ANKRD34C: variants seen among roughly 807,000 people sequenced by gnomAD.
The protein encoded by ANKRD34C is ankyrin repeat domain 34C.
For missense variants in ANKRD34C, 563 were observed against 653.0 expected, an observed-to-expected ratio of 0.86 and a Z score of 1.50; for synonymous variants, 260 against 253.6, an observed-to-expected ratio of 1.03 and a Z score of -0.24.
rs1424162792 is a variant in ANKRD34C, at chr15:79,295,178, A to G, written c.*286A>G. On this transcript the variant is annotated 3_prime_UTR_variant, in exon 2 of 2. Transcript: ENST00000421388. Reference sequence around the variant, plus strand: ...TACAATGATGTAAGCTGGGGACATCAGTAGTTTTCTATCAGACAAACAGAA... The same window carrying G: ...TACAATGATGTAAGCTGGGGACATCGGTAGTTTTCTATCAGACAAACAGAA... The G allele has an allele frequency of 8.8e-6, 3 of 340,352 alleles. No individual in the cohort carries two copies. Among genetic ancestry groups the G allele is most frequent in the South Asian group, 8.5e-5 (1 of 11,818 alleles). 21.1% of individuals were successfully genotyped at this position (340,352 alleles called of 1,614,324 possible).
In ANKRD34C at chr15:79,282,846, A is replaced by G. The variant is rs985171593; in HGVS notation, c.-427A>G. ...TCTGGGGCTGCGCAGAGACCTGCAC[A>G]CCCGCAGCGCGGAACCGGGGGCGAT... On this transcript the variant is annotated 5_prime_UTR_variant, in exon 1 of 2. Coordinates refer to ENST00000421388, the MANE Select transcript of ANKRD34C (RefSeq NM_001146341.2). Among the ~76,000 whole-genome samples the G allele has an allele frequency of 5.2e-4, 79 of 152,318 alleles. No individual in the cohort carries two copies. Among genetic ancestry groups the G allele is most frequent in the African/African-American group, 1.7e-3 (72 of 41,580 alleles).
rs397854030 is a variant in ANKRD34C at position 79,290,207 on chromosome 15, T to TTG, written c.-44-3033_-44-3032dup. 2.7e-5 allele frequency among the ~76,000 whole-genome samples: 4 copies of TTG among 150,564 alleles called. 1 individual carries two copies. The Middle Eastern group carries it at 9.6e-3, about 360-fold the overall frequency. On this transcript the variant is annotated intron_variant, in intron 1 of 1. Transcript: ENST00000421388. ...ACCCAGCTTTTTTTTTTTTTTTTTTTTGGTAGAGGCAGAGTCTCACTATTT... is the reference window on the plus strand; with the variant it reads ...ACCCAGCTTTTTTTTTTTTTTTTTTTTGTGGTAGAGGCAGAGTCTCACTATTT...
intron 1 of ANKRD34C, among the ~76,000 whole-genome samples, chr15:79,292,385 T>A (rs188602928): frequency 4.2e-4 from 64 of 152,316 alleles, no homozygotes; most frequent in Admixed American, 3.2e-3. Context: ...GTTTGACAAA[T>A]CTCAGCTGAG....
At chr15:79,288,630 G>A (rs1376269760) in intron 1 of ANKRD34C, among the ~76,000 whole-genome samples, 2 of 152,064 alleles carry the variant, frequency 1.3e-5, no homozygotes, top group Non-Finnish European at 2.9e-5. Flanking sequence ...TGTGGGAAAG[G>A]TTTGAACTTT....
intron 1 of ANKRD34C, among the ~76,000 whole-genome samples, chr15:79,291,903 G>A (rs2058660808): frequency 6.6e-6 from 1 of 152,138 alleles, no homozygotes; most frequent in South Asian, 2.1e-4. Flanking sequence ...GAATAAAGGA[G>A]ACCTCTTCCT....
rs1016233656 is a variant in ANKRD34C, at chr15:79,296,579, A to G, written c.*1687A>G. 8.4e-5 allele frequency: 14 copies of G among 166,984 alleles called. No individual in the cohort carries two copies. In the Admixed American group the frequency reaches 9.2e-4, roughly 11 times the overall value. 10.3% of individuals were successfully genotyped at this position (166,984 alleles called of 1,614,324 possible). ...TAAAGTAAAAAATTCTGCCATATAA[A>G]CTCTACATATTATATAATTTTTCTA... On this transcript the variant is annotated 3_prime_UTR_variant, in exon 2 of 2. Coordinates refer to ENST00000421388, the MANE Select transcript of ANKRD34C (RefSeq NM_001146341.2).
At position 79,295,093 on chromosome 15, in the gene ANKRD34C, A is replaced by G. The variant is rs2058669119; in HGVS notation, c.*201A>G. 1.7e-6 allele frequency: 1 copy of G among 586,774 alleles called. No homozygotes were observed. Among genetic ancestry groups the G allele is most frequent in the African/African-American group, 1.9e-5 (1 of 52,816 alleles). 36.3% of individuals were successfully genotyped at this position (586,774 alleles called of 1,614,324 possible). A position where few individuals can be genotyped will look rare whatever the true frequency, so the allele number is the denominator to read the frequency against. On this transcript the variant is annotated 3_prime_UTR_variant, in exon 2 of 2. Transcript: ENST00000421388. ...CTCAGGATAATTGGGTTTTGAAGAT[A>G]AATTTTTAAAAATTCTGCAAAGGAA...
At position 79,294,856 on chromosome 15, in the gene ANKRD34C, G is replaced by C. The variant is rs144326056; in HGVS notation, c.1572G>C (p.Met524Ile). 9.1e-6 allele frequency: 14 copies of C among 1,544,544 alleles called. No individual in the cohort carries two copies. In the African/African-American group the frequency reaches 1.9e-4, roughly 21 times the overall value. ...LRRHSMQIEQMKQLSDFEEIM... is the reference protein window; with the variant it reads ...LRRHSMQIEQIKQLSDFEEIM... ...GGCATTCTATGCAAATTGAACAAATGAAACAGCTGTCTGATTTTGAAGAAA... is the reference window on the plus strand; with the variant it reads ...GGCATTCTATGCAAATTGAACAAATCAAACAGCTGTCTGATTTTGAAGAAA... Residue 524 changes from methionine (M) to isoleucine (I), a missense_variant, in exon 2 of 2, where the codon ATG becomes ATC. Coordinates refer to ENST00000421388, the MANE Select transcript of ANKRD34C (RefSeq NM_001146341.2).
At position 79,287,814 on chromosome 15, in the gene ANKRD34C, G is replaced by A. The variant is rs559998256; in HGVS notation, c.-45+4586G>A. Among the ~76,000 whole-genome samples, 5 of 152,242 alleles carry A rather than the reference G, an allele frequency of 3.3e-5. No homozygotes were observed. The East Asian group carries it at 7.7e-4, about 23-fold the overall frequency. On this transcript the variant is annotated intron_variant, in intron 1 of 1. Coordinates refer to ENST00000421388, the MANE Select transcript of ANKRD34C (RefSeq NM_001146341.2). ...TTACTTCATTCTTCTTCCTCTGCAC[G>A]TCACCTTTTCTGCTTCTGTGCACTT...
At chr15:79,286,890 T>C (rs2058646865) in intron 1 of ANKRD34C, among the ~76,000 whole-genome samples, 1 of 152,210 alleles carries the variant, frequency 6.6e-6, no homozygotes, top group Non-Finnish European at 1.5e-5. Context: ...GTCAGTGCAC[T>C]TCCCACCACC....
At chr15:79,292,008 C>T (rs2058661128) in intron 1 of ANKRD34C, among the ~76,000 whole-genome samples, 1 of 152,192 alleles carries the variant, frequency 6.6e-6, no homozygotes, top group South Asian at 2.1e-4. Flanking sequence ...AGCCATTTCT[C>T]AATTTCAACC....
intron 1 of ANKRD34C, among the ~76,000 whole-genome samples, chr15:79,287,632 A>G (rs1250520720): frequency 1.3e-5 from 2 of 152,282 alleles, no homozygotes; most frequent in South Asian, 2.1e-4. Flanking sequence ...TTACTTGCTT[A>G]TAAGTAACAG....
intron 1 of ANKRD34C, among the ~76,000 whole-genome samples, chr15:79,290,942 T>A (rs1296286221): frequency 6.6e-6 from 1 of 152,212 alleles, no homozygotes; most frequent in Non-Finnish European, 1.5e-5. Context: ...CATGCTAAAA[T>A]GGTATTTTGT....
Position 79,293,557 on chromosome 15 carries a change from T to C in ANKRD34C, c.273T>C (p.His91=). 1.9e-6 allele frequency: 3 copies of C among 1,551,680 alleles called. No individual in the cohort carries two copies. Among genetic ancestry groups the C allele is most frequent in the Non-Finnish European group, 2.6e-6 (3 of 1,146,990 alleles). ...QDKSGKTALI[H]ACIRRAGGEV... The stretch of plus-strand genomic sequence containing the variant: ...AGTCTGGCAAGACTGCCCTCATCCA[T>C]GCCTGTATCAGAAGAGCTGGGGGAG... The change falls in exon 2 of 2, where the codon CAT becomes CAC. Residue 91 remains histidine, a synonymous_variant. Coordinates refer to ENST00000421388, the MANE Select transcript of ANKRD34C (RefSeq NM_001146341.2).
rs117537273 is a variant in ANKRD34C, at chr15:79,293,205, A to G, written c.-44-36A>G. The G allele has an allele frequency of 1.2e-3, 1,607 of 1,337,508 alleles. 17 individuals carry two copies. In the Admixed American group the frequency reaches 0.02, roughly 17 times the overall value. 82.9% of individuals were successfully genotyped at this position (1,337,508 alleles called of 1,614,324 possible). A position where few individuals can be genotyped will look rare whatever the true frequency, so the allele number is the denominator to read the frequency against. On this transcript the variant is annotated intron_variant, in intron 1 of 1. Coordinates refer to ENST00000421388, the MANE Select transcript of ANKRD34C (RefSeq NM_001146341.2). ...CCATGCTGCACAGATCTGTTATAAA[A>G]CATATAACATTTGTTCCCTCTTCTT... is the stretch of plus-strand genomic sequence containing the variant.
At chr15:79,283,375 G>A (rs1022078504) in intron 1 of ANKRD34C, among the ~76,000 whole-genome samples, 147 bp downstream of exon 1, 2 of 152,150 alleles carry the variant, frequency 1.3e-5, no homozygotes, top group Non-Finnish European at 2.9e-5. Flanking sequence ...GTGGGAGACG[G>A]GAATGGAAGG....
At position 79,293,957 on chromosome 15, in the gene ANKRD34C, G is replaced by T. The variant is rs1209626280; in HGVS notation, c.673G>T (p.Ala225Ser). 1 of 1,551,658 alleles carries T rather than the reference G, an allele frequency of 6.4e-7. No homozygotes were observed. The highest frequency in any genetic ancestry group is 2.0e-5 in the Admixed American group (1 of 51,008). ...TCCAAGCAGTTGTAACACCTCCAAG[G>T]CTGTTAATGAGCCTGGGTCACCCAC... ...GHPSSCNTSKAVNEPGSPTRK... is the reference protein window; with the variant it reads ...GHPSSCNTSKSVNEPGSPTRK... The change falls in exon 2 of 2, where the codon GCT (alanine) becomes TCT (serine). Residue 225 changes from alanine to serine, a missense_variant. Transcript: ENST00000421388.
intron 1 of ANKRD34C, among the ~76,000 whole-genome samples, chr15:79,284,949 T>A (rs1327682961): frequency 1.3e-5 from 2 of 152,184 alleles, no homozygotes; most frequent in African/African-American, 4.8e-5. Flanking sequence ...GTACTATAAA[T>A]ATGTGACATT....
Position 79,293,501 on chromosome 15 carries a change from G to A in ANKRD34C, c.217G>A (p.Asp73Asn). The change falls in exon 2 of 2, where the codon GAC becomes AAC. Residue 73 changes from aspartate to asparagine, a missense_variant. Asp to Asn is a conservative substitution (Grantham distance 23). Transcript: ENST00000421388. ...SKSKMVKYLL[D>N]NRADPNIQDK... Reference sequence around the variant, plus strand: ...GTCCAAGATGGTGAAGTACCTGCTGGACAACAGGGCAGACCCCAATATCCA... The same window carrying A: ...GTCCAAGATGGTGAAGTACCTGCTGAACAACAGGGCAGACCCCAATATCCA... 6.4e-7 allele frequency: 1 copy of A among 1,551,630 alleles called. No individual in the cohort carries two copies. Among genetic ancestry groups the A allele is most frequent in the Non-Finnish European group, 8.7e-7 (1 of 1,146,956 alleles).
Sources: gnomAD v4.1 joint callset for allele counts (sites outside exome capture counted in the v4.1 genomes callset) on GRCh38, gnomAD v4.1.1 for gene constraint, MANE v1.5 for transcripts, NCBI Gene and HGNC (gene_info 2026-07-23, HGNC 2026-07-21) for gene names.